The following DOC2B variants were observed in gnomAD, a reference collection of about 807,000 sequenced individuals.
The protein encoded by DOC2B is double C2-like domain-containing protein beta.
Under a neutral mutation model 28.9 loss-of-function variants are expected in DOC2B, and 21 were observed. That is an observed-to-expected ratio of 0.73 (90% confidence interval 0.52 to 1.05). The LOEUF is 1.05. Among genes scored for constraint, DOC2B ranks in the 50% least tolerant of loss-of-function variants. The probability of loss-of-function intolerance (pLI) is 0.00; values close to 1 mark genes in which losing one functional copy is unlikely to be tolerated. For synonymous variants in DOC2B, 194 were observed against 178.1 expected (o/e 1.09, Z -0.71); for missense variants, 384 against 421.1 (o/e 0.91, Z 0.77).
chr17:179,619 G>A (rs958890538), intron 1 of DOC2B, among the ~76,000 whole-genome samples: 1 of 152,190 alleles, frequency 6.6e-6, no homozygotes, highest in African/African-American at 2.4e-5. Context: ...GGCCCACCCA[G>A]GGGATCACCA....
At chr17:175,460 C>T (rs1275556041) in intron 1 of DOC2B, among the ~76,000 whole-genome samples, 1 of 152,230 alleles carries the variant, frequency 6.6e-6, no homozygotes, top group Non-Finnish European at 1.5e-5. Flanking sequence ...ACTTTTGTAA[C>T]AATATTCTCT....
rs201214601 is a variant in DOC2B at position 176,533 on chromosome 17, CT to C, written c.374-3918del. 7.2e-4 allele frequency among the ~76,000 whole-genome samples: 110 copies of C among 151,902 alleles called. 3 individuals carry two copies. The South Asian group carries it at 0.022, about 31-fold the overall frequency. On this transcript the variant is annotated intron_variant, in intron 1 of 8. Transcript: ENST00000613549. ...GGCCACTCTGCCCTGGTCCAAAAAG[CT>C]TTTTTTTGGCCACTTTGTTTAGCTG...
chr17:156,134 G>A, intron 6 of DOC2B, 86 bp downstream of exon 6: 1 of 1,431,614 alleles, frequency 7.0e-7, no homozygotes, highest in Non-Finnish European at 9.3e-7. Flanking sequence ...CTGGGTGCCT[G>A]CCACCTGGGA....
chr17:179,458 A>T (rs1310249271), intron 1 of DOC2B, among the ~76,000 whole-genome samples: 1 of 151,670 alleles, frequency 6.6e-6, no homozygotes, highest in Non-Finnish European at 1.5e-5. Context: ...CCTCTGTGGC[A>T]CCAGGAGGGT....
intron 5 of DOC2B, among the ~76,000 whole-genome samples, chr17:158,304 C>T (rs1213727525): frequency 6.6e-6 from 1 of 152,084 alleles, no homozygotes; most frequent in Non-Finnish European, 1.5e-5. Context: ...CCCACACACG[C>T]CCAGCTTGAG....
intron 4 of DOC2B, 129 bp from the exon 5 acceptor site, chr17:161,670 G>T: frequency 6.9e-7 from 1 of 1,439,106 alleles, no homozygotes; most frequent in Non-Finnish European, 9.3e-7. Flanking sequence ...GGTGGGAGAC[G>T]CACAAGATGC....
intron 1 of DOC2B, among the ~76,000 whole-genome samples, chr17:173,514 CA>C (rs2040335924): frequency 1.3e-5 from 2 of 152,194 alleles, no homozygotes; most frequent in Admixed American, 1.3e-4. Context: ...CAAGTGTTTA[CA>C]ACATGCCAGA....
intron 6 of DOC2B, among the ~76,000 whole-genome samples, chr17:150,271 GCTCTGGGGT>G (rs1239159278): frequency 1.3e-5 from 2 of 152,176 alleles, no homozygotes; most frequent in Non-Finnish European, 2.9e-5. Context: ...TGCTGAATGT[GCTCTGGGGT>G]CTCTGGGGTC....
intron 3 of DOC2B, among the ~76,000 whole-genome samples, chr17:163,175 G>A (rs921567868): frequency 3.3e-5 from 5 of 152,144 alleles, no homozygotes; most frequent in African/African-American, 9.7e-5. Context: ...ATGCACTGCC[G>A]GCTCCAGTCC....
intron 1 of DOC2B, among the ~76,000 whole-genome samples, chr17:180,363 C>G (rs898663109): frequency 6.6e-6 from 1 of 152,148 alleles, no homozygotes; most frequent in Non-Finnish European, 1.5e-5. Flanking sequence ...TGCCTGCTCC[C>G]GGGGGCTCAG....
Position 161,405 on chromosome 17 carries a change from A to G in DOC2B, c.765+10T>C, listed in dbSNP as rs138758859. 2.4e-3 allele frequency: 3,781 copies of G among 1,550,784 alleles called. 75 individuals carry two copies. The African/African-American group carries it at 0.045, about 19-fold the overall frequency. On this transcript the variant is annotated intron_variant, in intron 5 of 8. Coordinates refer to ENST00000613549, the MANE Select transcript of DOC2B (RefSeq NM_003585.5). ...CAGGTACACAGCAGGTGCTCAATCA[A>G]TCCTCTCACCGGCAGCTGCTTCTCC... is the stretch of plus-strand genomic sequence containing the variant.
Position 156,387 on chromosome 17 carries a change from G to A in DOC2B, c.766-10C>T, listed in dbSNP as rs770823358. 114 of 1,550,948 alleles carry A rather than the reference G, an allele frequency of 7.4e-5. No individual in the cohort carries two copies. Among genetic ancestry groups the A allele is most frequent in the South Asian group, 2.5e-4 (21 of 84,032 alleles). ...CTTCAGTCTTGTCCACCTGTTGGAC[G>A]GGACGGTCACTCAGTCCTCACCTGC... On this transcript the variant is annotated splice_polypyrimidine_tract_variant and intron_variant, in intron 5 of 8. Coordinates refer to ENST00000613549, the MANE Select transcript of DOC2B (RefSeq NM_003585.5).
At chr17:165,959 A>G (rs775248218) in intron 2 of DOC2B, among the ~76,000 whole-genome samples, 1 of 152,216 alleles carries the variant, frequency 6.6e-6, no homozygotes, top group Admixed American at 6.5e-5. Flanking sequence ...CCTTTGGGCC[A>G]CCACATGTTC....
chr17:180,409 G>A (rs2040426569), intron 1 of DOC2B, among the ~76,000 whole-genome samples: 4 of 152,202 alleles, frequency 2.6e-5, no homozygotes, highest in African/African-American at 9.6e-5. Flanking sequence ...GGGCTGGGGG[G>A]CCCTCTCTGC....
At chr17:180,753 G>A (rs1157051309) in intron 1 of DOC2B, among the ~76,000 whole-genome samples, 1 of 151,844 alleles carries the variant, frequency 6.6e-6, no homozygotes, top group Non-Finnish European at 1.5e-5. Flanking sequence ...ACGCAGCTCC[G>A]CCCTTCCCGG....
At chr17:158,001 G>T (rs1555522763) in intron 5 of DOC2B, among the ~76,000 whole-genome samples, 1 of 152,180 alleles carries the variant, frequency 6.6e-6, no homozygotes, top group Non-Finnish European at 1.5e-5. Flanking sequence ...TCAGGGTGCT[G>T]GATGTGGCTC....
chr17:180,672 C>A (rs1289392696), intron 1 of DOC2B, among the ~76,000 whole-genome samples: 1 of 151,934 alleles, frequency 6.6e-6, no homozygotes, highest in Non-Finnish European at 1.5e-5. Flanking sequence ...CCCTCGGCCG[C>A]GAGGCCCTCC....
Position 172,378 on chromosome 17 carries a change from G to A in DOC2B, c.453+159C>T, listed in dbSNP as rs1051012594. 5.3e-5 allele frequency among the ~76,000 whole-genome samples: 8 copies of A among 152,296 alleles called. No homozygotes were observed. The East Asian group carries it at 1.5e-3, about 29-fold the overall frequency. On this transcript the variant is annotated intron_variant, in intron 2 of 8. Coordinates refer to ENST00000613549, the MANE Select transcript of DOC2B (RefSeq NM_003585.5). Reference sequence around the variant, plus strand: ...TTCTTGGGGTTGGGTATTCAAGAAGGTTTAAAGAAGAATTCCTTCCTGGCC... The same window carrying A: ...TTCTTGGGGTTGGGTATTCAAGAAGATTTAAAGAAGAATTCCTTCCTGGCC...
chr17:177,130 T>C (rs983239865), intron 1 of DOC2B, among the ~76,000 whole-genome samples: 2 of 151,212 alleles, frequency 1.3e-5, no homozygotes, highest in Admixed American at 6.6e-5. Context: ...CAAGCTTGTG[T>C]TGAAAGCATT....
Sources: allele counts gnomAD v4.1 joint callset (sites outside exome capture counted in the v4.1 genomes callset), GRCh38; gene constraint gnomAD v4.1.1; transcripts MANE v1.5; gene names NCBI Gene and HGNC (gene_info 2026-07-23, HGNC 2026-07-21).